RHPN1: variants seen among roughly 807,000 people sequenced by gnomAD.
RHPN1 encodes rhophilin Rho GTPase binding protein 1.
In RHPN1, 77 loss-of-function variants were observed where a neutral mutation model predicts 74.7. The ratio of observed to expected loss-of-function variants is 1.03; its 90% CI spans 0.86 to 1.25. The LOEUF (loss-of-function observed/expected upper bound fraction) is 1.25. Ranked by LOEUF, RHPN1 falls within the 50% of genes most tolerant of loss-of-function variation. The pLI, the probability that RHPN1 is intolerant of heterozygous loss-of-function variation, is 0.00. For missense variants in RHPN1, 987 were observed against 932.2 expected (o/e 1.06, Z -0.77); for synonymous variants, 444 against 414.5 (o/e 1.07, Z -0.87).
chr8:143,364,654 G>A (rs888550210), upstream of RHPN1, among the ~76,000 whole-genome samples: 7 of 152,014 alleles, frequency 4.6e-5, no homozygotes, highest in East Asian at 3.9e-4. The surrounding 1 kb of genome is among the most constrained non-coding windows in gnomAD (Gnocchi z 4.5). Flanking sequence ...TGTTCTCTGG[G>A]GGTTTAGGCA....
At position 143,380,629 on chromosome 8, in the gene RHPN1, G is replaced by A. The variant is rs1388736514; in HGVS notation, c.1257G>A (p.Glu419=). 4 of 1,551,848 alleles carry A rather than the reference G, an allele frequency of 2.6e-6. No homozygotes were observed. In the Admixed American group the frequency reaches 7.7e-5, roughly 30 times the overall value. Residue 419 remains glutamate (E), a synonymous_variant, in exon 11 of 15, where the codon GAG becomes GAA. Transcript: ENST00000289013. ...AGCGTGCCATCCTGGGGCAGGAGGAGGCGCTGCGGCTGCACGCCCTGTGCC... is the reference window on the plus strand; with the variant it reads ...AGCGTGCCATCCTGGGGCAGGAGGAAGCGCTGCGGCTGCACGCCCTGTGCC... ...HLKRAILGQE[E]ALRLHALCRV... is the part of the protein sequence containing the mutation.
rs1466226541 is a variant in RHPN1, at chr8:143,376,636, C to A, written c.288C>A (p.Asp96Glu). 1 of 1,573,598 alleles carries A rather than the reference C, an allele frequency of 6.4e-7. No homozygotes were observed. Among genetic ancestry groups the A allele is most frequent in the Admixed American group, 1.9e-5 (1 of 53,926 alleles). Residue 96 changes from aspartate (D) to glutamate (E), a missense_variant, in exon 3 of 15, where the codon GAC becomes GAA. Transcript: ENST00000289013. ...EELEELSGGV[D>E]PGRHGSEAVT... ...TGGAGGAGCTCAGCGGTGGCGTGGACCCTGGCCGGCATGGGAGGTGCGGGT... is the reference window on the plus strand; with the variant it reads ...TGGAGGAGCTCAGCGGTGGCGTGGAACCTGGCCGGCATGGGAGGTGCGGGT...
intron 1 of RHPN1, among the ~76,000 whole-genome samples, chr8:143,374,700 G>A (rs544801422): frequency 6.6e-6 from 1 of 152,342 alleles, no homozygotes; most frequent in East Asian, 1.9e-4. Context: ...ATGGTGAGAG[G>A]GAGGGACACG....
At position 143,382,599 on chromosome 8, in the gene RHPN1, C is replaced by T. The variant is rs1377429826; in HGVS notation, c.1961C>T (p.Ala654Val). 1 of 1,611,064 alleles carries T rather than the reference C, an allele frequency of 6.2e-7. No homozygotes were observed. The highest frequency in any genetic ancestry group is 8.5e-7 in the Non-Finnish European group (1 of 1,179,756). Residue 654 changes from alanine (A) to valine (V), a missense_variant, in exon 15 of 15, where the codon GCC (alanine) becomes GTC (valine). Transcript: ENST00000289013. ...GKTGGCPQPCAPVKPAPPSSL... is the reference protein window; with the variant it reads ...GKTGGCPQPCVPVKPAPPSSL... ...ACTGGAGGCTGCCCCCAGCCCTGTG[C>T]CCCAGTGAAGCCAGCTCCGCCCTCA...
In RHPN1 at chr8:143,368,900, G is replaced by C. The variant is rs532176617; in HGVS notation, c.-88G>C. On this transcript the variant is annotated 5_prime_UTR_variant, in exon 1 of 15. Coordinates refer to ENST00000289013, the MANE Select transcript of RHPN1 (RefSeq NM_052924.3). ...CACTCAGGAGCCCGCGGCCCAGGTG[G>C]TGCGGGCGGCCCTAGCCCGGCTGCG... The C allele has an allele frequency of 7.0e-5, 72 of 1,029,462 alleles. 1 individual carries two copies. The South Asian group carries it at 1.1e-3, about 16-fold the overall frequency. 63.8% of individuals were successfully genotyped at this position (1,029,462 alleles called of 1,614,324 possible). A position where few individuals can be genotyped will look rare whatever the true frequency, so the allele number is the denominator to read the frequency against.
chr8:143,379,447 C>A lies in RHPN1; in HGVS notation c.884C>A (p.Pro295His). Reference protein sequence around the residue: ...QECVFEGLSPPASMAPQDCLA... With the variant: ...QECVFEGLSPHASMAPQDCLA... ...TGTGTGTTTGAGGGCCTCTCACCAC[C>A]TGCCTCCATGGCCCCCCAAGACTGC... The change falls in exon 8 of 15, where the codon CCT (proline) becomes CAT (histidine). Residue 295 changes from proline to histidine, a missense_variant. Pro to His is a moderately conservative substitution (Grantham distance 77, BLOSUM62 -2). Transcript: ENST00000289013. 6.4e-7 allele frequency: 1 copy of A among 1,574,798 alleles called. No individual in the cohort carries two copies. The highest frequency in any genetic ancestry group is 1.8e-5 in the Admixed American group (1 of 54,794).
Position 143,380,130 on chromosome 8 carries a change from C to G in RHPN1, c.1171C>G (p.Arg391Gly). The G allele has an allele frequency of 1.3e-6, 2 of 1,550,786 alleles. No homozygotes were observed. The highest frequency in any genetic ancestry group is 2.4e-5 in the East Asian group (1 of 41,110). Residue 391 changes from arginine to glycine, a missense_variant, in exon 10 of 15, where the codon CGA becomes GGA. By Grantham distance (125) the Arg-to-Gly change is moderately radical. Coordinates refer to ENST00000289013, the MANE Select transcript of RHPN1 (RefSeq NM_052924.3). ...GCAGCCCCCCACCTCCTCTAAGCCC[C>G]GAGGCCCTGTGCTGCCGCAGGAGCT... ...FLQPPTSSKPRGPVLPQELEE... is the reference protein window; with the variant it reads ...FLQPPTSSKPGGPVLPQELEE...
intron 2 of RHPN1, among the ~76,000 whole-genome samples, chr8:143,376,121 C>G (rs1818201117): frequency 6.6e-6 from 1 of 152,244 alleles, no homozygotes; most frequent in Non-Finnish European, 1.5e-5. Context: ...TCCCTGCCCC[C>G]ATCCTGGCCT....
chr8:143,377,533 G>T (rs915630582), intron 4 of RHPN1, 78 bp downstream of exon 4: 2 of 1,017,368 alleles, frequency 2.0e-6, no homozygotes, highest in East Asian at 5.1e-5. Flanking sequence ...TTCTGGTCCA[G>T]CTGTCTGGTT....
rs1191205383 is a variant in RHPN1 at position 143,382,771 on chromosome 8, C to T, written c.*120C>T. 22 of 827,116 alleles carry T rather than the reference C, an allele frequency of 2.7e-5. No homozygotes were observed. Among genetic ancestry groups the T allele is most frequent in the East Asian group, 1.1e-4 (4 of 37,432 alleles). The allele number at this position is 827,116 out of a possible 1,614,324, so 51.2% of individuals were successfully genotyped here. A position where few individuals can be genotyped will look rare whatever the true frequency, so the allele number is the denominator to read the frequency against. On this transcript the variant is annotated 3_prime_UTR_variant, in exon 15 of 15. Coordinates refer to ENST00000289013, the MANE Select transcript of RHPN1 (RefSeq NM_052924.3). ...TCCCGCCTCATGCTGGAGGCTGCCT[C>T]GGGCACCTGCCTGCCCATTAAAGAC...
At chr8:143,371,970 G>A (rs1290887564) in intron 1 of RHPN1, among the ~76,000 whole-genome samples, 3 of 152,238 alleles carry the variant, frequency 2.0e-5, no homozygotes, top group African/African-American at 4.8e-5. Flanking sequence ...TCAAAGGTCC[G>A]GCTCGGGTCT....
At position 143,377,070 on chromosome 8, in the gene RHPN1, G is replaced by A. The variant is rs1586819750; in HGVS notation, c.306-310G>A. Among the ~76,000 whole-genome samples, 6 of 151,304 alleles carry A rather than the reference G, an allele frequency of 4.0e-5. 1 individual carries two copies. The highest frequency in any genetic ancestry group is 1.2e-4 in the African/African-American group (5 of 41,096). On this transcript the variant is annotated intron_variant, in intron 3 of 14. Coordinates refer to ENST00000289013, the MANE Select transcript of RHPN1 (RefSeq NM_052924.3). ...TGTGTGTCTGTGTGTGCGCGTGTGT[G>A]TGTCTGCACGTGTGTGCATATATGT...
chr8:143,382,451 G>C lies in RHPN1; in HGVS notation c.1813G>C (p.Val605Leu), dbSNP rs368945775. 1 of 1,574,764 alleles carries C rather than the reference G, an allele frequency of 6.4e-7. No homozygotes were observed. The highest frequency in any genetic ancestry group is 8.6e-7 in the Non-Finnish European group (1 of 1,161,464). ...RLPSLGDRRPVLLGPRGLLRS... is the reference protein window; with the variant it reads ...RLPSLGDRRPLLLGPRGLLRS... ...CCTGCTGCAGGGGGACCGCCGGCCC[G>C]TCCTGCTGGGCCCCAGGGGGCTTCT... Residue 605 changes from valine (V) to leucine (L), a missense_variant, in exon 15 of 15, where the codon GTC becomes CTC. Coordinates refer to ENST00000289013, the MANE Select transcript of RHPN1 (RefSeq NM_052924.3).
intron 1 of RHPN1, among the ~76,000 whole-genome samples, chr8:143,369,446 C>T (rs1366840220): frequency 6.6e-6 from 1 of 152,242 alleles, no homozygotes; most frequent in African/African-American, 2.4e-5. Context: ...TCAGGAACTG[C>T]ATGCCCATTG....
At position 143,378,310 on chromosome 8, in the gene RHPN1, C is replaced by T. The variant is rs765617981; in HGVS notation, c.423C>T (p.Tyr141=). 1.3e-5 allele frequency: 21 copies of T among 1,569,338 alleles called. No homozygotes were observed. Among genetic ancestry groups the T allele is most frequent in the African/African-American group, 8.1e-5 (6 of 73,710 alleles). Residue 141 remains tyrosine (Y), a synonymous_variant, in exon 5 of 15, where the codon TAC becomes TAT. Coordinates refer to ENST00000289013, the MANE Select transcript of RHPN1 (RefSeq NM_052924.3). ...ACTTTGGAGAGGACGGCGCCTCCTA[C>T]GAGGCAGAAATCAGGGAGCTGGAGG... The part of the protein sequence containing the change: ...SVHFGEDGAS[Y]EAEIRELEAL...
intron 2 of RHPN1, among the ~76,000 whole-genome samples, chr8:143,376,050 A>T (rs938030671): frequency 2.6e-5 from 4 of 152,188 alleles, no homozygotes; most frequent in African/African-American, 9.6e-5. Context: ...CTTAGAGCAC[A>T]CCGCCTGTGT....
intron 1 of RHPN1, among the ~76,000 whole-genome samples, chr8:143,373,723 C>T (rs1254184831): frequency 1.7e-4 from 24 of 140,436 alleles, no homozygotes; most frequent in African/African-American, 5.1e-4. Flanking sequence ...TGGGGGATGG[C>T]GTGGGTTCCA....
chr8:143,368,647 C>A (rs1194146916), upstream of RHPN1: 1 of 187,860 alleles, frequency 5.3e-6, no homozygotes, highest in Non-Finnish European at 1.1e-5. Context: ...TGCCAGCCAG[C>A]CGCGGGCGTT....
chr8:143,374,820 C>T (rs531385548), intron 1 of RHPN1, among the ~76,000 whole-genome samples: 87 of 152,330 alleles, frequency 5.7e-4, no homozygotes, highest in South Asian at 2.1e-3. Flanking sequence ...GCACCACTGA[C>T]GACACAGGAG....
Sources: gnomAD v4.1 joint callset for allele counts (sites outside exome capture counted in the v4.1 genomes callset) on GRCh38, gnomAD v4.1.1 for gene constraint, Gnocchi (gnomAD v3.1) non-coding constraint, MANE v1.5 for transcripts, NCBI Gene and HGNC (gene_info 2026-07-23, HGNC 2026-07-21) for gene names.